TMEM108: variants seen among roughly 807,000 people sequenced by gnomAD.
The protein encoded by TMEM108 is transmembrane protein 108, also known as cancer/testis antigen 124.
Under a neutral mutation model 35.1 loss-of-function variants are expected in TMEM108, and 12 were observed. That is an observed-to-expected ratio of 0.34 (90% CI 0.22 to 0.55). The LOEUF (loss-of-function observed/expected upper bound fraction) is 0.55. Ranked by LOEUF, TMEM108 falls within the 20% of genes least tolerant of loss-of-function variation. The probability of loss-of-function intolerance (pLI) is 0.89; values close to 1 mark genes in which losing one functional copy is unlikely to be tolerated. For synonymous variants in TMEM108, 287 were observed against 308.6 expected (o/e 0.93, Z 0.73); for missense variants, 680 against 753.3 (o/e 0.90, Z 1.14).
rs376775162 is a variant in TMEM108 at position 133,305,258 on chromosome 3, G to A, written c.41-74494G>A. Among the ~76,000 whole-genome samples the A allele has an allele frequency of 6.6e-4, 98 of 149,490 alleles. No homozygotes were observed. The East Asian group carries it at 0.012, about 18-fold the overall frequency. On this transcript the variant is annotated intron_variant, in intron 3 of 5. Coordinates refer to ENST00000321871, the MANE Select transcript of TMEM108 (RefSeq NM_023943.4). ...AAATCATCATTCTCAGTAAACTATC[G>A]CAAGAACAAAAAACCAAACACCACA... is the stretch of plus-strand genomic sequence containing the variant.
At chr3:133,239,210 C>T (rs1946279392) in intron 3 of TMEM108, among the ~76,000 whole-genome samples, 1 of 152,178 alleles carries the variant, frequency 6.6e-6, no homozygotes, top group African/African-American at 2.4e-5. Flanking sequence ...AAATAAACAG[C>T]ATTTAGTGGC....
chr3:133,307,661 T>C (rs536204124), intron 3 of TMEM108, among the ~76,000 whole-genome samples: 199 of 152,326 alleles, frequency 1.3e-3, no homozygotes, highest in Non-Finnish European at 2.3e-3. Context: ...TTGTCAGGTT[T>C]GTCAAAGATC....
At chr3:133,077,255 T>A (rs1032448516) in intron 2 of TMEM108, among the ~76,000 whole-genome samples, 2 of 149,892 alleles carry the variant, frequency 1.3e-5, no homozygotes, top group African/African-American at 4.9e-5. Context: ...AGTCTTGGGC[T>A]TTATTTTTGC....
In TMEM108 at chr3:133,108,305, G is replaced by A. The variant is rs936725307; in HGVS notation, c.-47+62285G>A. 2.1e-4 allele frequency among the ~76,000 whole-genome samples: 32 copies of A among 151,882 alleles called. 1 individual carries two copies. The highest frequency in any genetic ancestry group is 2.1e-4 in the South Asian group (1 of 4,800). On this transcript the variant is annotated intron_variant, in intron 2 of 5. Transcript: ENST00000321871. Reference sequence around the variant, plus strand: ...GTTTTTTCCTGACTTTTTAATGATCGCCATTCTAACTGGTGTGAGATGGTA... The same window carrying A: ...GTTTTTTCCTGACTTTTTAATGATCACCATTCTAACTGGTGTGAGATGGTA...
At chr3:133,293,884 T>G (rs1262427303) in intron 3 of TMEM108, among the ~76,000 whole-genome samples, 1 of 152,136 alleles carries the variant, frequency 6.6e-6, no homozygotes, top group African/African-American at 2.4e-5. Context: ...GGTTGTCAAC[T>G]TGAATTTTAA....
chr3:133,258,551 T>C (rs550264895), intron 3 of TMEM108, among the ~76,000 whole-genome samples: 1 of 152,330 alleles, frequency 6.6e-6, no homozygotes, highest in East Asian at 1.9e-4. Context: ...CTGAGGCAGC[T>C]GCTGCCAGCT....
chr3:133,392,363 A>G (rs2073247167), intron 5 of TMEM108, among the ~76,000 whole-genome samples: 1 of 151,922 alleles, frequency 6.6e-6, no homozygotes, highest in Admixed American at 6.6e-5. Flanking sequence ...GGGTTTCGCT[A>G]TGTTGGCCAG....
intron 3 of TMEM108, among the ~76,000 whole-genome samples, chr3:133,279,589 G>A (rs1047369520): frequency 2.0e-5 from 3 of 152,178 alleles, no homozygotes; most frequent in African/African-American, 7.2e-5. Context: ...ACCCCTCAAA[G>A]GCAGGAATTG....
chr3:133,358,600 G>A (rs1288484118), intron 3 of TMEM108, among the ~76,000 whole-genome samples: 1 of 152,166 alleles, frequency 6.6e-6, no homozygotes, highest in Non-Finnish European at 1.5e-5. Context: ...GACTCTCTGG[G>A]CATAAAGGGG....
chr3:133,212,175 G>C (rs1326426150), intron 2 of TMEM108, among the ~76,000 whole-genome samples: 1 of 152,134 alleles, frequency 6.6e-6, no homozygotes, highest in East Asian at 1.9e-4. Context: ...AATTATGAAA[G>C]CCTCTCTAAA....
At chr3:133,201,056 T>A (rs1025676946) in intron 2 of TMEM108, among the ~76,000 whole-genome samples, 1 of 152,202 alleles carries the variant, frequency 6.6e-6, no homozygotes, top group African/African-American at 2.4e-5. Flanking sequence ...AACCACCGTG[T>A]GCCTGAACTT....
chr3:133,098,068 G>A (rs1444273202), intron 2 of TMEM108, among the ~76,000 whole-genome samples: 1 of 152,192 alleles, frequency 6.6e-6, no homozygotes, highest in Non-Finnish European at 1.5e-5. Flanking sequence ...GACAGGTGTA[G>A]CAGCTTGTAT....
intron 2 of TMEM108, among the ~76,000 whole-genome samples, chr3:133,168,346 AT>A (rs1945074970): frequency 6.6e-6 from 1 of 152,198 alleles, no homozygotes; most frequent in African/African-American, 2.4e-5. Context: ...AGGGGCTCAC[AT>A]CTAGTGAGGG....
At chr3:133,116,898 T>C (rs1207583110) in intron 2 of TMEM108, among the ~76,000 whole-genome samples, 1 of 152,100 alleles carries the variant, frequency 6.6e-6, no homozygotes, top group Non-Finnish European at 1.5e-5. Flanking sequence ...GCCTCCTGAG[T>C]AGCTGAGACT....
chr3:133,104,565 T>G lies in TMEM108; in HGVS notation c.-47+58545T>G, dbSNP rs1944126848. On this transcript the variant is annotated intron_variant, in intron 2 of 5. Coordinates refer to ENST00000321871, the MANE Select transcript of TMEM108 (RefSeq NM_023943.4). ...CTGGGGAGCAGGTGTTTTTCTGATATCCATATGCTTCTGTTCAGATGTAGG... is the reference window on the plus strand; with the variant it reads ...CTGGGGAGCAGGTGTTTTTCTGATAGCCATATGCTTCTGTTCAGATGTAGG... Among the ~76,000 whole-genome samples, 4 of 152,244 alleles carry G rather than the reference T, an allele frequency of 2.6e-5. No individual in the cohort carries two copies. The East Asian group carries it at 7.7e-4, about 29-fold the overall frequency.
At chr3:133,093,280 C>G (rs756527426) in intron 2 of TMEM108, among the ~76,000 whole-genome samples, 1 of 152,262 alleles carries the variant, frequency 6.6e-6, no homozygotes, top group Non-Finnish European at 1.5e-5. Flanking sequence ...CGTGAGCCAC[C>G]GCGCCCGGTC....
intron 2 of TMEM108, among the ~76,000 whole-genome samples, chr3:133,046,927 A>G (rs771072872): frequency 6.6e-6 from 1 of 152,206 alleles, no homozygotes; most frequent in African/African-American, 2.4e-5. Context: ...TTGCTAGATA[A>G]TGTCCCATTA....
Position 133,229,311 on chromosome 3 carries a change from C to T in TMEM108, c.-1C>T. 1 of 1,612,580 alleles carries T rather than the reference C, an allele frequency of 6.2e-7. No individual in the cohort carries two copies. The highest frequency in any genetic ancestry group is 8.5e-7 in the Non-Finnish European group (1 of 1,179,254). On this transcript the variant is annotated 5_prime_UTR_variant, in exon 3 of 6. Transcript: ENST00000321871. ...GAGGATAAGCAGGACCAGATGATAC[C>T]ATGAAGAGAAGTTTACAGGCCCTCT...
chr3:133,167,794 C>T (rs1945066361), intron 2 of TMEM108, among the ~76,000 whole-genome samples: 1 of 152,182 alleles, frequency 6.6e-6, no homozygotes, highest in Non-Finnish European at 1.5e-5. Context: ...TTCCCGCAAG[C>T]AGAGGGAGCT....
Sources: allele counts gnomAD v4.1 joint callset (sites outside exome capture counted in the v4.1 genomes callset), GRCh38; gene constraint gnomAD v4.1.1; transcripts MANE v1.5; gene names NCBI Gene and HGNC (gene_info 2026-07-23, HGNC 2026-07-21).